The following ACTL8 variants were observed in gnomAD, a reference collection of about 807,000 sequenced individuals.
The protein encoded by ACTL8 is actin like 8, also known as actin-like protein 8.
ACTL8 carries 3 observed loss-of-function variants against 9.3 expected under a neutral mutation model. That is an observed-to-expected ratio of 0.32 (90% confidence interval 0.15 to 0.83). ACTL8 has a LOEUF of 0.83. ACTL8 is among the 40% of genes least tolerant of loss of function. ACTL8 has a pLI of 0.57. For missense variants in ACTL8, 381 were observed against 492.2 expected, an observed-to-expected ratio of 0.77 and a Z score of 2.14; for synonymous variants, 224 against 205.9, an observed-to-expected ratio of 1.09 and a Z score of -0.75.
chr1:17,822,784 A>G (rs1179305740), intron 1 of ACTL8, among the ~76,000 whole-genome samples: 1 of 152,154 alleles, frequency 6.6e-6, no homozygotes, highest in Non-Finnish European at 1.5e-5. Flanking sequence ...GATGTGGCCC[A>G]TTAAGGGAGC....
intron 1 of ACTL8, among the ~76,000 whole-genome samples, chr1:17,806,035 G>T (rs2066358036): frequency 6.6e-6 from 1 of 152,182 alleles, no homozygotes; most frequent in African/African-American, 2.4e-5. Context: ...CTGATTAAAG[G>T]CATCATCTTC....
intron 1 of ACTL8, among the ~76,000 whole-genome samples, chr1:17,764,048 C>T (rs555580682): frequency 6.6e-5 from 10 of 151,200 alleles, no homozygotes; most frequent in African/African-American, 2.2e-4. Context: ...GAAAGCAGCT[C>T]TGTGTTGAGC....
intron 1 of ACTL8, among the ~76,000 whole-genome samples, chr1:17,773,956 G>C (rs2102679707): frequency 6.6e-6 from 1 of 152,360 alleles, no homozygotes; most frequent in African/African-American, 2.4e-5. Flanking sequence ...CCTGGCACAA[G>C]AGGGTAGCCA....
chr1:17,792,003 T>C (rs978746518), intron 1 of ACTL8, among the ~76,000 whole-genome samples: 1 of 152,122 alleles, frequency 6.6e-6, no homozygotes, highest in Non-Finnish European at 1.5e-5. Context: ...CTGCCCCCCC[T>C]CATCAACCCC....
At chr1:17,763,965 A>G (rs2102674541) in intron 1 of ACTL8, among the ~76,000 whole-genome samples, 1 of 152,200 alleles carries the variant, frequency 6.6e-6, no homozygotes, top group Non-Finnish European at 1.5e-5. Context: ...TGGGACAATG[A>G]TTGATCTAGT....
At chr1:17,785,852 G>A (rs943509395) in intron 1 of ACTL8, among the ~76,000 whole-genome samples, 8 of 152,180 alleles carry the variant, frequency 5.3e-5, no homozygotes, top group African/African-American at 1.9e-4. Flanking sequence ...TGGGTCGGGA[G>A]CCCAGGCAAA....
rs2053720513 is a variant in ACTL8 at position 17,826,227 on chromosome 1, C to T, written c.809C>T (p.Pro270Leu). ...FSPQVFEQPG[P>L]SIPRAIVESV... ...CCGCAGGTGTTCGAGCAGCCGGGGC[C>T]CAGCATCCCACGGGCCATTGTGGAA... Residue 270 changes from proline to leucine, a missense_variant, in exon 3 of 3, where the codon CCC becomes CTC. By Grantham distance (98) the Pro-to-Leu change is moderately conservative. Transcript: ENST00000375406. This position sits in a 1 kb window ranked among gnomAD's most constrained non-coding sequence, Gnocchi z 4.5. 6.2e-7 allele frequency: 1 copy of T among 1,613,440 alleles called. No individual in the cohort carries two copies. The highest frequency in any genetic ancestry group is 1.1e-5 in the South Asian group (1 of 91,062).
intron 1 of ACTL8, among the ~76,000 whole-genome samples, chr1:17,772,128 C>T (rs553993147): frequency 2.1e-3 from 318 of 152,308 alleles, no homozygotes; most frequent in Non-Finnish European, 3.6e-3. Flanking sequence ...GTGTAGTCTT[C>T]CGTGTTCACC....
At chr1:17,786,871 TG>T (rs1203311653) in intron 1 of ACTL8, among the ~76,000 whole-genome samples, 3 of 151,390 alleles carry the variant, frequency 2.0e-5, no homozygotes, top group Non-Finnish European at 2.9e-5. Flanking sequence ...TTTTTTTAAA[TG>T]TTTTTTTTTT....
intron 1 of ACTL8, among the ~76,000 whole-genome samples, chr1:17,791,765 C>T (rs2066241244): frequency 6.6e-6 from 1 of 152,360 alleles, no homozygotes; most frequent in African/African-American, 2.4e-5. Context: ...TAATTTTGCC[C>T]TGGCAGTCTC....
rs1044408007 is a variant in ACTL8, at chr1:17,812,607, T to G, written c.-24-10378T>G. Among the ~76,000 whole-genome samples, 2 of 150,904 alleles carry G rather than the reference T, an allele frequency of 1.3e-5. 1 individual carries two copies. The highest frequency in any genetic ancestry group is 2.9e-5 in the Non-Finnish European group (2 of 67,798). On this transcript the variant is annotated intron_variant, in intron 1 of 2. Transcript: ENST00000375406. ...ACCACGCCCTGTCAATTTTTTTTTT[T>G]TTTTTGTATTTTAGTAGAGATGGGG... is the stretch of plus-strand genomic sequence containing the variant.
chr1:17,818,926 A>G (rs2053621400), intron 1 of ACTL8, among the ~76,000 whole-genome samples: 1 of 152,242 alleles, frequency 6.6e-6, no homozygotes, highest in African/African-American at 2.4e-5. Flanking sequence ...GGGGATTTGT[A>G]GAATTGGTGG....
At chr1:17,758,033 C>G (rs1003514818) in intron 1 of ACTL8, among the ~76,000 whole-genome samples, 11 of 152,306 alleles carry the variant, frequency 7.2e-5, no homozygotes, top group African/African-American at 2.6e-4. Context: ...CACCTATGTT[C>G]CACAAGAAGG....
chr1:17,822,427 T>C (rs1303114718), intron 1 of ACTL8, among the ~76,000 whole-genome samples: 4 of 152,212 alleles, frequency 2.6e-5, no homozygotes, highest in African/African-American at 9.6e-5. Context: ...TGCAAAGCAT[T>C]CCTTGTAGTA....
Position 17,823,334 on chromosome 1 carries a change from C to A in ACTL8, c.326C>A (p.Ala109Glu), listed in dbSNP as rs768803261. Residue 109 changes from alanine to glutamate, a missense_variant, in exon 2 of 3, where the codon GCG becomes GAG. By Grantham distance (107) the Ala-to-Glu change is moderately radical (BLOSUM62 -1). This residue lies in a region of ACTL8 where 125 missense variants were observed against 180.7 expected (regional missense o/e 0.69). Transcript: ENST00000375406. This position sits in a 1 kb window ranked among gnomAD's most constrained non-coding sequence, Gnocchi z 5.3. ...IITETPLREPADRKKMLEILF... is the reference protein window; with the variant it reads ...IITETPLREPEDRKKMLEILF... ...ACGGAGACACCCTTGAGGGAGCCTG[C>A]GGACCGAAAGAAGATGCTGGAGGTG... 6.2e-7 allele frequency: 1 copy of A among 1,613,022 alleles called. No individual in the cohort carries two copies. Among genetic ancestry groups the A allele is most frequent in the African/African-American group, 1.3e-5 (1 of 74,910 alleles).
chr1:17,758,323 A>G (rs563525708), intron 1 of ACTL8, among the ~76,000 whole-genome samples: 202 of 152,348 alleles, frequency 1.3e-3, no homozygotes, highest in Non-Finnish European at 2.1e-3. Flanking sequence ...AGTGGTGGTG[A>G]ATTGATTAGA....
At chr1:17,804,769 C>T (rs1467725934) in intron 1 of ACTL8, among the ~76,000 whole-genome samples, 1 of 152,060 alleles carries the variant, frequency 6.6e-6, no homozygotes, top group East Asian at 1.9e-4. Flanking sequence ...GCACACACCA[C>T]CAAGCCCAGC....
chr1:17,767,580 T>G lies in ACTL8; in HGVS notation c.-25+12076T>G, dbSNP rs2066053443. On this transcript the variant is annotated intron_variant, in intron 1 of 2. Coordinates refer to ENST00000375406, the MANE Select transcript of ACTL8 (RefSeq NM_030812.3). This position sits in a 1 kb window ranked among gnomAD's most constrained non-coding sequence, Gnocchi z 4.7. ...ATGGCTCCCGGGCACTGCTCTTTTG[T>G]GGCTGCCTTGTCCAGTGGTTATTTG... Among the ~76,000 whole-genome samples, 1 of 152,210 alleles carries G rather than the reference T, an allele frequency of 6.6e-6. No individual in the cohort carries two copies. The highest frequency in any genetic ancestry group is 1.5e-5 in the Non-Finnish European group (1 of 68,042).
intron 1 of ACTL8, among the ~76,000 whole-genome samples, chr1:17,772,268 C>T (rs2066088111): frequency 6.6e-6 from 1 of 152,202 alleles, no homozygotes. Context: ...GCAGCATGAA[C>T]TGCACTTTGG....
Sources: allele counts gnomAD v4.1 joint callset (sites outside exome capture counted in the v4.1 genomes callset), GRCh38; gene constraint gnomAD v4.1.1; regional missense constraint gnomAD v4.1.1; non-coding constraint Gnocchi (gnomAD v3.1); transcripts MANE v1.5; gene names NCBI Gene and HGNC (gene_info 2026-07-23, HGNC 2026-07-21).